Variants in DLC1 observed in about 807,000 individuals in gnomAD.
DLC1 encodes rho GTPase-activating protein 7.
In DLC1, 54 loss-of-function variants were observed where a neutral mutation model predicts 140.3. That is an observed-to-expected ratio of 0.38 (90% confidence interval 0.31 to 0.48). The LOEUF (loss-of-function observed/expected upper bound fraction) is 0.48, where lower values mean the gene tolerates loss of function less well. Among genes scored for constraint, DLC1 ranks in the 20% least tolerant of loss-of-function variants. The pLI, the probability that DLC1 is intolerant of heterozygous loss-of-function variation, is 0.96. For synonymous variants in DLC1, 986 were observed against 728.1 expected (o/e 1.35, Z -5.70); for missense variants, 2,536 against 1,907.0 (o/e 1.33, Z -6.14).
intron 2 of DLC1, among the ~76,000 whole-genome samples, chr8:13,496,904 C>G (rs940326649): frequency 1.3e-5 from 2 of 149,816 alleles, no homozygotes; most frequent in African/African-American, 5.0e-5. Flanking sequence ...GGGTTCATGC[C>G]ATTCTCCTGC....
chr8:13,308,217 A>T (rs925794331), intron 4 of DLC1, among the ~76,000 whole-genome samples: 4 of 152,208 alleles, frequency 2.6e-5, no homozygotes, highest in African/African-American at 9.7e-5. Flanking sequence ...CTTATGGCCA[A>T]TGTCCATATT....
intron 5 of DLC1, among the ~76,000 whole-genome samples, chr8:13,274,234 C>G (rs1055967472): frequency 1.3e-5 from 2 of 152,156 alleles, no homozygotes; most frequent in African/African-American, 4.8e-5. Context: ...TGGCTGTGCA[C>G]CAAGTCAATC....
At chr8:13,340,695 G>A (rs1404217873) in intron 4 of DLC1, 1 of 152,170 alleles carries the variant, frequency 6.6e-6, no homozygotes, top group Admixed American at 6.5e-5. Flanking sequence ...ATGTGTAGTG[G>A]CTATTGTTTT....
intron 5 of DLC1, among the ~76,000 whole-genome samples, chr8:13,219,915 C>T (rs112112027): frequency 1.1e-3 from 160 of 152,188 alleles, no homozygotes; most frequent in African/African-American, 3.3e-3. Context: ...AAAAACAATG[C>T]GACACAGAAG....
At chr8:13,325,910 G>A (rs1393352562) in intron 4 of DLC1, among the ~76,000 whole-genome samples, 1 of 152,158 alleles carries the variant, frequency 6.6e-6, no homozygotes, top group Non-Finnish European at 1.5e-5. Context: ...TATACATGAT[G>A]TTGGTCCCAT....
At chr8:13,412,734 C>T (rs1360716427) in intron 2 of DLC1, among the ~76,000 whole-genome samples, 1 of 151,904 alleles carries the variant, frequency 6.6e-6, no homozygotes, top group Non-Finnish European at 1.5e-5. Context: ...GAGATAGAGA[C>T]CTCCTGGCTA....
chr8:13,277,320 A>T (rs938502415), intron 5 of DLC1, among the ~76,000 whole-genome samples: 2 of 152,156 alleles, frequency 1.3e-5, no homozygotes, highest in African/African-American at 4.8e-5. Context: ...CTCTAAAATA[A>T]ATAAAATAAG....
chr8:13,294,671 G>T (rs1339518828), intron 5 of DLC1, among the ~76,000 whole-genome samples: 1 of 152,034 alleles, frequency 6.6e-6, no homozygotes, highest in Non-Finnish European at 1.5e-5. Flanking sequence ...GGGTGAAAAG[G>T]AAGGGTAAGG....
intron 5 of DLC1, among the ~76,000 whole-genome samples, chr8:13,210,501 A>C (rs1484562807): frequency 6.6e-6 from 1 of 152,216 alleles, no homozygotes; most frequent in African/African-American, 2.4e-5. Context: ...TAGGTGTAAA[A>C]TTGCATCATA....
chr8:13,408,967 A>G (rs1837677288), intron 2 of DLC1, among the ~76,000 whole-genome samples: 1 of 152,160 alleles, frequency 6.6e-6, no homozygotes, highest in Admixed American at 6.6e-5. Flanking sequence ...ACAACAAAAA[A>G]AGACATAAGT....
At chr8:13,213,456 C>T (rs1434829301) in intron 5 of DLC1, among the ~76,000 whole-genome samples, 1 of 152,178 alleles carries the variant, frequency 6.6e-6, no homozygotes, top group African/African-American at 2.4e-5. Context: ...CCATAAATTA[C>T]AGAATCTTGA....
intron 5 of DLC1, among the ~76,000 whole-genome samples, chr8:13,157,936 C>T (rs1563119882): frequency 1.3e-5 from 2 of 152,186 alleles, no homozygotes; most frequent in Non-Finnish European, 1.5e-5. Context: ...TTAGTTTACT[C>T]ACTAGTTTAC....
chr8:13,174,723 G>T (rs1186891965), intron 5 of DLC1, among the ~76,000 whole-genome samples: 3 of 151,964 alleles, frequency 2.0e-5, no homozygotes, highest in African/African-American at 7.3e-5. Flanking sequence ...TATGTTTTTT[G>T]CTTGCTGACT....
chr8:13,240,378 G>A (rs1423929427), intron 5 of DLC1, among the ~76,000 whole-genome samples: 1 of 152,086 alleles, frequency 6.6e-6, no homozygotes, highest in Non-Finnish European at 1.5e-5. Context: ...TTTTAACTTT[G>A]GTGGAGAAAA....
At chr8:13,250,573 A>G (rs1829960231) in intron 5 of DLC1, among the ~76,000 whole-genome samples, 1 of 152,234 alleles carries the variant, frequency 6.6e-6, no homozygotes, top group Admixed American at 6.5e-5. Context: ...GACTGAGGAT[A>G]TTTTAATAAT....
intron 4 of DLC1, among the ~76,000 whole-genome samples, chr8:13,376,197 C>T (rs1012035469): frequency 2.0e-5 from 3 of 152,074 alleles, no homozygotes; most frequent in Non-Finnish European, 4.4e-5. Flanking sequence ...TTTTCTCTTC[C>T]AGAGAAAATG....
At chr8:13,409,766 A>T (rs1395880744) in intron 2 of DLC1, among the ~76,000 whole-genome samples, 3 of 152,120 alleles carry the variant, frequency 2.0e-5, no homozygotes, top group African/African-American at 7.2e-5. Context: ...TTTATGTTTA[A>T]TTTTACAGCT....
chr8:13,505,185 C>T (rs551583507), intron 1 of DLC1, among the ~76,000 whole-genome samples: 1 of 151,754 alleles, frequency 6.6e-6, no homozygotes, highest in African/African-American at 2.4e-5. Context: ...TTCATGTAGT[C>T]AAAATAATGC....
chr8:13,434,709 C>T (rs1044410988), intron 2 of DLC1, among the ~76,000 whole-genome samples: 1 of 152,110 alleles, frequency 6.6e-6, no homozygotes, highest in Admixed American at 6.5e-5. Context: ...GACAGGGTCT[C>T]ACTCTGCTGC....
Sources: gnomAD v4.1 joint callset for allele counts (sites outside exome capture counted in the v4.1 genomes callset) on GRCh38, gnomAD v4.1.1 for gene constraint, MANE v1.5 for transcripts, NCBI Gene and HGNC (gene_info 2026-07-23, HGNC 2026-07-21) for gene names.